C10orf67: variants seen among roughly 807,000 people sequenced by gnomAD.
C10orf67 encodes uncharacterized protein C10orf67, mitochondrial.
Under a neutral mutation model 35.6 loss-of-function variants are expected in C10orf67, and 60 were observed. The ratio of observed to expected loss-of-function variants is 1.68; its 90% CI spans 1.37 to 2.09. The LOEUF is 2.09. Ranked by LOEUF, C10orf67 falls within the 30% of genes most tolerant of loss-of-function variation. The pLI, the probability that C10orf67 is intolerant of heterozygous loss-of-function variation, is 0.00. For missense variants in C10orf67, 474 were observed against 330.2 expected, an observed-to-expected ratio of 1.44 and a Z score of -3.38; for synonymous variants, 167 against 115.8, an observed-to-expected ratio of 1.44 and a Z score of -2.84.
Position 23,268,530 on chromosome 10 carries a change from T to C in C10orf67, c.976-1276A>G, listed in dbSNP as rs551763273. ...TACAATGGATTTGTAAAATTTTCTC[T>C]CACCTACCAATAAAGCAGAACTCAA... On this transcript the variant is annotated intron_variant, in intron 8 of 15. Transcript: ENST00000636213. 1.5e-3 allele frequency among the ~76,000 whole-genome samples: 223 copies of C among 152,316 alleles called. 1 individual carries two copies. Among genetic ancestry groups the C allele is most frequent in the South Asian group, 5.6e-3 (27 of 4,820 alleles).
chr10:23,207,278 C>T (rs1432056976), intron 15 of C10orf67, among the ~76,000 whole-genome samples: 3 of 151,872 alleles, frequency 2.0e-5, no homozygotes, highest in Non-Finnish European at 4.4e-5. Context: ...CTGTGAACTT[C>T]CTTTACTGGA....
At chr10:23,273,356 T>G (rs1232674926) in intron 8 of C10orf67, among the ~76,000 whole-genome samples, 1 of 152,222 alleles carries the variant, frequency 6.6e-6, no homozygotes, top group Non-Finnish European at 1.5e-5. Flanking sequence ...TCTCTTCTAT[T>G]CCCAGTTTGC....
Position 23,325,532 on chromosome 10 carries a change from CA to C in C10orf67, c.328-2996del, listed in dbSNP as rs869275809. Among the ~76,000 whole-genome samples, 205 of 92,904 alleles carry C rather than the reference CA, an allele frequency of 2.2e-3. 1 individual carries two copies. Among genetic ancestry groups the C allele is most frequent in the South Asian group, 3.8e-3 (11 of 2,920 alleles). The allele number at this position is 92,904 out of a possible 152,430, so 60.9% of individuals were successfully genotyped here. On this transcript the variant is annotated intron_variant, in intron 2 of 15. Transcript: ENST00000636213. The stretch of plus-strand genomic sequence containing the variant: ...TTAATCCAAACAAGTTAATTGTGTG[CA>C]AAAAAAAAAAAAACAAAAAACAAAA...
At chr10:23,239,619 T>A in intron 13 of C10orf67, 110 bp downstream of exon 13, 1 of 519,162 alleles carries the variant, frequency 1.9e-6, no homozygotes, top group Non-Finnish European at 3.7e-6. Context: ...CCTTGTACTA[T>A]CTCTAGAGCC....
chr10:23,295,120 G>A (rs148850977), intron 5 of C10orf67, among the ~76,000 whole-genome samples: 371 of 152,202 alleles, frequency 2.4e-3, no homozygotes, highest in African/African-American at 8.6e-3. Context: ...CATACACCCC[G>A]TTAATCAGAA....
At chr10:23,240,456 A>G (rs1338116410) in intron 12 of C10orf67, among the ~76,000 whole-genome samples, 1 of 152,270 alleles carries the variant, frequency 6.6e-6, no homozygotes, top group Non-Finnish European at 1.5e-5. Context: ...AAAAGAACAC[A>G]GTAATCAACT....
chr10:23,244,612 A>C (rs189527628), intron 12 of C10orf67, among the ~76,000 whole-genome samples: 81 of 152,340 alleles, frequency 5.3e-4, no homozygotes, highest in African/African-American at 1.8e-3. Flanking sequence ...CAGTGTCAAA[A>C]AATAAAATAC....
At chr10:23,254,020 A>G (rs1842535718) in intron 10 of C10orf67, among the ~76,000 whole-genome samples, 1 of 152,100 alleles carries the variant, frequency 6.6e-6, no homozygotes, top group African/African-American at 2.4e-5. Context: ...CTGACATTCC[A>G]CTTTCTCTGG....
At chr10:23,234,785 C>G (rs1338102849) in intron 13 of C10orf67, among the ~76,000 whole-genome samples, 1 of 151,188 alleles carries the variant, frequency 6.6e-6, no homozygotes, top group East Asian at 1.9e-4. Context: ...GGGGCTGAGG[C>G]AGGCAGATCA....
In C10orf67 at chr10:23,267,024, C is replaced by T. The variant is rs1445656070; in HGVS notation, c.1035+171G>A. Among the ~76,000 whole-genome samples, 3 of 152,312 alleles carry T rather than the reference C, an allele frequency of 2.0e-5. No homozygotes were observed. The East Asian group carries it at 5.8e-4, about 29-fold the overall frequency. ...CCTCCTAAAGTACTAGGATTATAGGCATGAGCCACTGCTCCTGGCCTTGCT... is the reference window on the plus strand; with the variant it reads ...CCTCCTAAAGTACTAGGATTATAGGTATGAGCCACTGCTCCTGGCCTTGCT... On this transcript the variant is annotated intron_variant, in intron 9 of 15. Transcript: ENST00000636213.
chr10:23,343,309 G>A (rs2132428568), intron 1 of C10orf67, among the ~76,000 whole-genome samples: 1 of 152,254 alleles, frequency 6.6e-6, no homozygotes, highest in East Asian at 1.9e-4. Flanking sequence ...CAGGGTGGGA[G>A]CGGGTGTGGG....
In C10orf67 at chr10:23,203,022, T is replaced by C. The variant is rs1258898168; in HGVS notation, c.*1151A>G. The stretch of plus-strand genomic sequence containing the variant: ...CACCAGCAATTGCCATTAATCTACT[T>C]ACTAATTAAGCCAATTCATTTCTAA... On this transcript the variant is annotated 3_prime_UTR_variant, in exon 16 of 16. Transcript: ENST00000636213. The C allele has an allele frequency of 1.3e-5, 2 of 152,240 alleles. No homozygotes were observed. Among genetic ancestry groups the C allele is most frequent in the Non-Finnish European group, 2.9e-5 (2 of 68,032 alleles). 9.4% of individuals were successfully genotyped at this position (152,240 alleles called of 1,614,324 possible). A position where few individuals can be genotyped will look rare whatever the true frequency, so the allele number is the denominator to read the frequency against.
chr10:23,318,329 C>T (rs1453679309), intron 4 of C10orf67: 1 of 152,232 alleles, frequency 6.6e-6, no homozygotes, highest in Admixed American at 6.5e-5. Context: ...GACTCAAAGG[C>T]TGGGCTCAGA....
rs549631971 is a variant in C10orf67 at position 23,267,772 on chromosome 10, G to T, written c.976-518C>A. ...ATACAAAAAATTTTCCGGGCGTGGT[G>T]GTGGGCGCCTGTAATTCCAGCTACT... is the stretch of plus-strand genomic sequence containing the variant. On this transcript the variant is annotated intron_variant, in intron 8 of 15. Transcript: ENST00000636213. Among the ~76,000 whole-genome samples, 201 of 152,092 alleles carry T rather than the reference G, an allele frequency of 1.3e-3. 1 individual carries two copies. Among genetic ancestry groups the T allele is most frequent in the African/African-American group, 4.6e-3 (189 of 41,474 alleles).
chr10:23,344,223 G>A (rs1280919832), intron 1 of C10orf67: 1 of 274,636 alleles, frequency 3.6e-6, no homozygotes, highest in Non-Finnish European at 6.9e-6. Flanking sequence ...GGTTGGGGAT[G>A]GGGGGGAAGG....
chr10:23,324,333 A>G (rs1845098532), intron 2 of C10orf67, among the ~76,000 whole-genome samples: 1 of 151,968 alleles, frequency 6.6e-6, no homozygotes, highest in Non-Finnish European at 1.5e-5. Flanking sequence ...CTCAGGTTCT[A>G]TGAATCTGGA....
chr10:23,326,842 A>G (rs944680883), intron 2 of C10orf67, among the ~76,000 whole-genome samples: 10 of 152,180 alleles, frequency 6.6e-5, no homozygotes, highest in African/African-American at 2.2e-4. Context: ...AAGCGCAGAA[A>G]GAAGTACTGA....
At chr10:23,205,077 A>T (rs1044275447) in intron 15 of C10orf67, among the ~76,000 whole-genome samples, 3 of 152,188 alleles carry the variant, frequency 2.0e-5, no homozygotes, top group Non-Finnish European at 4.4e-5. Context: ...GCTTAACATG[A>T]ACAAAGATAA....
Position 23,295,459 on chromosome 10 carries a change from G to A in C10orf67, c.703-4180C>T, listed in dbSNP as rs990836220. 3.2e-4 allele frequency among the ~76,000 whole-genome samples: 48 copies of A among 152,320 alleles called. 1 individual carries two copies. The highest frequency in any genetic ancestry group is 3.1e-3 in the Admixed American group (48 of 15,304). On this transcript the variant is annotated intron_variant, in intron 5 of 15. Coordinates refer to ENST00000636213, the MANE Select transcript of C10orf67 (RefSeq NM_001371909.1). ...AGAGGTCTGTTTGGTACATTTTATG[G>A]AACATAAACGGATGGCCATAAGGAT...
Sources: gnomAD v4.1 joint callset for allele counts (sites outside exome capture counted in the v4.1 genomes callset) on GRCh38, gnomAD v4.1.1 for gene constraint, MANE v1.5 for transcripts, NCBI Gene and HGNC (gene_info 2026-07-23, HGNC 2026-07-21) for gene names.